KIRREL3: variants seen among roughly 807,000 people sequenced by gnomAD.
KIRREL3 encodes the protein kin of IRRE-like protein 3.
KIRREL3 carries 36 observed loss-of-function variants against 89.7 expected under a neutral mutation model. The observed-to-expected ratio is 0.40, with a 90% CI of 0.31 to 0.53. KIRREL3 has a LOEUF of 0.53. Ranked by LOEUF, KIRREL3 falls within the 20% of genes least tolerant of loss-of-function variation. The pLI, the probability that KIRREL3 is intolerant of heterozygous loss-of-function variation, is 0.49. For missense variants in KIRREL3, 864 were observed against 1,056.6 expected (o/e 0.82, Z 2.53); for synonymous variants, 445 against 441.4 (o/e 1.01, Z -0.10).
chr11:126,594,412 T>C lies in KIRREL3; in HGVS notation c.56-31500A>G, dbSNP rs925519119. 6.6e-6 allele frequency among the ~76,000 whole-genome samples: 1 copy of C among 152,206 alleles called. No individual in the cohort carries two copies. ...CTGCGCCCTTTAGACTCCAATCTTCTTGGAGAAGCTACAGGGTGTAGGAGA... is the reference window on the plus strand; with the variant it reads ...CTGCGCCCTTTAGACTCCAATCTTCCTGGAGAAGCTACAGGGTGTAGGAGA... On this transcript the variant is annotated intron_variant, in intron 1 of 16. Coordinates refer to ENST00000525144, the MANE Select transcript of KIRREL3 (RefSeq NM_032531.4). This position sits in a 1 kb window ranked among gnomAD's most constrained non-coding sequence, Gnocchi z 5.0.
Position 126,953,234 on chromosome 11 carries a change from C to T in KIRREL3, c.55+47221G>A, listed in dbSNP as rs1403058872. Among the ~76,000 whole-genome samples the T allele has an allele frequency of 6.0e-5, 9 of 150,888 alleles. No homozygotes were observed. The highest frequency in any genetic ancestry group is 1.3e-4 in the Non-Finnish European group (9 of 67,904). ...CATTCTCAGCAAACTAACACAGGAA[C>T]AGAAAACCAAATATCACATGTTCTC... On this transcript the variant is annotated intron_variant, in intron 1 of 16. Coordinates refer to ENST00000525144, the MANE Select transcript of KIRREL3 (RefSeq NM_032531.4). This position sits in a 1 kb window ranked among gnomAD's most constrained non-coding sequence, Gnocchi z 5.2.
rs2134350626 is a variant in KIRREL3 at position 126,495,902 on chromosome 11, T to A, written c.434-22436A>T. On this transcript the variant is annotated intron_variant, in intron 4 of 16. Coordinates refer to ENST00000525144, the MANE Select transcript of KIRREL3 (RefSeq NM_032531.4). The surrounding 1 kb of genome is among the most constrained non-coding windows in gnomAD (Gnocchi z 6.5). ...GATTGTCCTTGACTTGCCCTTTCTC[T>A]CGTATCCTAATTGCTGTGGGCTCCA... is the stretch of plus-strand genomic sequence containing the variant. Among the ~76,000 whole-genome samples the A allele has an allele frequency of 6.6e-6, 1 of 152,356 alleles. No homozygotes were observed. The highest frequency in any genetic ancestry group is 2.1e-4 in the South Asian group (1 of 4,824).
chr11:126,452,974 C>G (rs919194353), intron 7 of KIRREL3, among the ~76,000 whole-genome samples: 9 of 152,290 alleles, frequency 5.9e-5, no homozygotes, highest in African/African-American at 1.9e-4. Flanking sequence ...AAGAGTGAGT[C>G]TCGCCCCACC....
rs1003373425 is a variant in KIRREL3 at position 126,795,473 on chromosome 11, G to T, written c.55+204982C>A. ...CAACCTCCGCTTCCCGGATTCAAGCGATTCTCCTGCCTCAGCCTCCTGAGC... is the reference window on the plus strand; with the variant it reads ...CAACCTCCGCTTCCCGGATTCAAGCTATTCTCCTGCCTCAGCCTCCTGAGC... On this transcript the variant is annotated intron_variant, in intron 1 of 16. Coordinates refer to ENST00000525144, the MANE Select transcript of KIRREL3 (RefSeq NM_032531.4). The surrounding 1 kb of genome is among the most constrained non-coding windows in gnomAD (Gnocchi z 4.1). Among the ~76,000 whole-genome samples the T allele has an allele frequency of 2.6e-5, 4 of 152,154 alleles. No individual in the cohort carries two copies. Among genetic ancestry groups the T allele is most frequent in the African/African-American group, 9.7e-5 (4 of 41,418 alleles).
rs1188459347 is a variant in KIRREL3 at position 126,624,826 on chromosome 11, G to A, written c.56-61914C>T. 2.0e-5 allele frequency among the ~76,000 whole-genome samples: 3 copies of A among 152,194 alleles called. No individual in the cohort carries two copies. The highest frequency in any genetic ancestry group is 4.4e-5 in the Non-Finnish European group (3 of 68,038). On this transcript the variant is annotated intron_variant, in intron 1 of 16. Transcript: ENST00000525144. The surrounding 1 kb of genome is among the most constrained non-coding windows in gnomAD (Gnocchi z 6.0). ...TACGGAGGGCAGAGCTGATGGAAGG[G>A]CCCGTTGGATACTGACCCAGGGCTT...
rs933154386 is a variant in KIRREL3, at chr11:126,782,456, A to G, written c.55+217999T>C. ...CGAGGGAGAAAGTACAGGCTCTTGA[A>G]CTCAGCTGGGAGGAAATTCAGTTTG... On this transcript the variant is annotated intron_variant, in intron 1 of 16. Coordinates refer to ENST00000525144, the MANE Select transcript of KIRREL3 (RefSeq NM_032531.4). The surrounding 1 kb of genome is among the most constrained non-coding windows in gnomAD (Gnocchi z 4.1). 6.6e-6 allele frequency among the ~76,000 whole-genome samples: 1 copy of G among 152,164 alleles called. No homozygotes were observed. The highest frequency in any genetic ancestry group is 1.5e-5 in the Non-Finnish European group (1 of 68,030).
intron 1 of KIRREL3, among the ~76,000 whole-genome samples, chr11:126,785,772 G>C (rs1486151699): frequency 6.6e-6 from 1 of 151,278 alleles, no homozygotes; most frequent in African/African-American, 2.4e-5. Flanking sequence ...TACTTAGGAG[G>C]CTGAGGCAGG....
chr11:126,707,666 C>T (rs1240785623), intron 1 of KIRREL3, among the ~76,000 whole-genome samples: 1 of 152,186 alleles, frequency 6.6e-6, no homozygotes, highest in Non-Finnish European at 1.5e-5. Flanking sequence ...CTGTCAGTCC[C>T]GGATAGAATG....
At position 126,677,688 on chromosome 11, in the gene KIRREL3, G is replaced by A. The variant is rs971988224; in HGVS notation, c.56-114776C>T. Among the ~76,000 whole-genome samples, 5 of 152,258 alleles carry A rather than the reference G, an allele frequency of 3.3e-5. No homozygotes were observed. Among genetic ancestry groups the A allele is most frequent in the Admixed American group, 1.3e-4 (2 of 15,294 alleles). On this transcript the variant is annotated intron_variant, in intron 1 of 16. Transcript: ENST00000525144. This position sits in a 1 kb window ranked among gnomAD's most constrained non-coding sequence, Gnocchi z 5.1. ...AAGACAGAAAATCCACCAGCAGCTCGCACGAGTGGGTCCTCCCAGAATGAG... is the reference window on the plus strand; with the variant it reads ...AAGACAGAAAATCCACCAGCAGCTCACACGAGTGGGTCCTCCCAGAATGAG...
chr11:126,967,400 T>C (rs181413169), intron 1 of KIRREL3, among the ~76,000 whole-genome samples: 3 of 152,158 alleles, frequency 2.0e-5, no homozygotes, highest in Admixed American at 2.0e-4. Context: ...AGGGAATAAC[T>C]TCCCACAGGG....
In KIRREL3 at chr11:126,905,945, G is replaced by A. The variant is rs1946566332; in HGVS notation, c.55+94510C>T. Reference sequence around the variant, plus strand: ...GAGATGAAACAGGCTGACAGGCAGAGCCATTCTGTTTGGGGTTTGTCTACA... The same window carrying A: ...GAGATGAAACAGGCTGACAGGCAGAACCATTCTGTTTGGGGTTTGTCTACA... On this transcript the variant is annotated intron_variant, in intron 1 of 16. Transcript: ENST00000525144. The surrounding 1 kb of genome is among the most constrained non-coding windows in gnomAD (Gnocchi z 5.0). Among the ~76,000 whole-genome samples, 1 of 152,214 alleles carries A rather than the reference G, an allele frequency of 6.6e-6. No homozygotes were observed. The highest frequency in any genetic ancestry group is 2.1e-4 in the South Asian group (1 of 4,834).
chr11:126,736,303 T>C lies in KIRREL3; in HGVS notation c.56-173391A>G, dbSNP rs1023394875. Among the ~76,000 whole-genome samples the C allele has an allele frequency of 1.3e-5, 2 of 152,170 alleles. No homozygotes were observed. The highest frequency in any genetic ancestry group is 4.8e-5 in the African/African-American group (2 of 41,436). On this transcript the variant is annotated intron_variant, in intron 1 of 16. Coordinates refer to ENST00000525144, the MANE Select transcript of KIRREL3 (RefSeq NM_032531.4). The surrounding 1 kb of genome is among the most constrained non-coding windows in gnomAD (Gnocchi z 5.0). ...TACTCTTGTGAAATGTGCACTATCA[T>C]CTCCATTTTGCAGATAAGCAAACCG...
rs1958287121 is a variant in KIRREL3 at position 126,513,300 on chromosome 11, C to T, written c.433+8015G>A. 6.6e-6 allele frequency among the ~76,000 whole-genome samples: 1 copy of T among 152,088 alleles called. No individual in the cohort carries two copies. ...TGGGCATGGTCATTTGGGAAGCTAC[C>T]CCCAGATTTCAGTGGCGAGTGGGCA... On this transcript the variant is annotated intron_variant, in intron 4 of 16. Coordinates refer to ENST00000525144, the MANE Select transcript of KIRREL3 (RefSeq NM_032531.4). The surrounding 1 kb of genome is among the most constrained non-coding windows in gnomAD (Gnocchi z 5.9).
Position 126,892,488 on chromosome 11 carries a change from T to C in KIRREL3, c.55+107967A>G, listed in dbSNP as rs1945963592. The stretch of plus-strand genomic sequence containing the variant: ...TTTTCTTGAAAAATCAGCTATTATT[T>C]ATCCTTAAGGAAGAAAAAAAGCAAC... On this transcript the variant is annotated intron_variant, in intron 1 of 16. Transcript: ENST00000525144. This position sits in a 1 kb window ranked among gnomAD's most constrained non-coding sequence, Gnocchi z 5.4. 1.3e-5 allele frequency among the ~76,000 whole-genome samples: 2 copies of C among 152,190 alleles called. No homozygotes were observed. Among genetic ancestry groups the C allele is most frequent in the African/African-American group, 4.8e-5 (2 of 41,434 alleles).
Position 126,493,066 on chromosome 11 carries a change from G to A in KIRREL3, c.434-19600C>T, listed in dbSNP as rs912093791. ...TTCCCTGCAGGGATTGACGTGGAGCGTCACAAAGACAGTGAGGTAGGCAGT... is the reference window on the plus strand; with the variant it reads ...TTCCCTGCAGGGATTGACGTGGAGCATCACAAAGACAGTGAGGTAGGCAGT... On this transcript the variant is annotated intron_variant, in intron 4 of 16. Transcript: ENST00000525144. Among the ~76,000 whole-genome samples, 6 of 152,312 alleles carry A rather than the reference G, an allele frequency of 3.9e-5. No homozygotes were observed. In the East Asian group the frequency reaches 7.7e-4, roughly 20 times the overall value.
Position 126,795,442 on chromosome 11 carries a change from T to C in KIRREL3, c.55+205013A>G, listed in dbSNP as rs1037168857. On this transcript the variant is annotated intron_variant, in intron 1 of 16. Coordinates refer to ENST00000525144, the MANE Select transcript of KIRREL3 (RefSeq NM_032531.4). This position sits in a 1 kb window ranked among gnomAD's most constrained non-coding sequence, Gnocchi z 4.1. ...TGGAGTGCAGTGGCGTGATCTCTGC[T>C]CACTGCAACCTCCGCTTCCCGGATT... Among the ~76,000 whole-genome samples, 2 of 152,208 alleles carry C rather than the reference T, an allele frequency of 1.3e-5. No homozygotes were observed. Among genetic ancestry groups the C allele is most frequent in the Non-Finnish European group, 2.9e-5 (2 of 68,032 alleles).
chr11:126,744,390 G>T lies in KIRREL3; in HGVS notation c.56-181478C>A, dbSNP rs1378703903. On this transcript the variant is annotated intron_variant, in intron 1 of 16. Coordinates refer to ENST00000525144, the MANE Select transcript of KIRREL3 (RefSeq NM_032531.4). The surrounding 1 kb of genome is among the most constrained non-coding windows in gnomAD (Gnocchi z 4.7). ...TGAAAGGGAAGCTGGAGGCAGGGAG[G>T]TCAGGACTGCCATACTGTCCCAGAC... Among the ~76,000 whole-genome samples, 1 of 152,186 alleles carries T rather than the reference G, an allele frequency of 6.6e-6. No individual in the cohort carries two copies. The highest frequency in any genetic ancestry group is 1.5e-5 in the Non-Finnish European group (1 of 68,032).
At chr11:126,785,367 T>C (rs1950455130) in intron 1 of KIRREL3, among the ~76,000 whole-genome samples, 1 of 152,212 alleles carries the variant, frequency 6.6e-6, no homozygotes, top group Non-Finnish European at 1.5e-5. Flanking sequence ...AGTATGTTTC[T>C]TCCCAAGACT....
rs1479441430 is a variant in KIRREL3 at position 126,561,217 on chromosome 11, G to A, written c.133+1618C>T. On this transcript the variant is annotated intron_variant, in intron 2 of 16. Transcript: ENST00000525144. This position sits in a 1 kb window ranked among gnomAD's most constrained non-coding sequence, Gnocchi z 4.5. Reference sequence around the variant, plus strand: ...CCAGAGCCAAAGCTGACCCACCTGTGTCTCTCCTCTGCCCCACTGCCTCAC... The same window carrying A: ...CCAGAGCCAAAGCTGACCCACCTGTATCTCTCCTCTGCCCCACTGCCTCAC... Among the ~76,000 whole-genome samples, 1 of 152,120 alleles carries A rather than the reference G, an allele frequency of 6.6e-6. No individual in the cohort carries two copies. The highest frequency in any genetic ancestry group is 2.4e-5 in the African/African-American group (1 of 41,424).
Sources: gnomAD v4.1 joint callset for allele counts (sites outside exome capture counted in the v4.1 genomes callset) on GRCh38, gnomAD v4.1.1 for gene constraint, Gnocchi (gnomAD v3.1) non-coding constraint, MANE v1.5 for transcripts, NCBI Gene and HGNC (gene_info 2026-07-23, HGNC 2026-07-21) for gene names.